ROBO1: variants seen among roughly 807,000 people sequenced by gnomAD.
The protein encoded by ROBO1 is roundabout homolog 1.
ROBO1 carries 149 observed loss-of-function variants against 195.9 expected under a neutral mutation model. The ratio of observed to expected loss-of-function variants is 0.76; its 90% CI spans 0.67 to 0.87. The LOEUF (loss-of-function observed/expected upper bound fraction) is 0.87. Ranked by LOEUF, ROBO1 falls within the 40% of genes least tolerant of loss-of-function variation. The pLI, the probability that ROBO1 is intolerant of heterozygous loss-of-function variation, is 0.00. For missense variants in ROBO1, 1,933 were observed against 2,068.3 expected (o/e 0.93, Z 1.27); for synonymous variants, 816 against 733.2 (o/e 1.11, Z -1.82).
At chr3:79,471,123 C>T (rs1938249137) in intron 2 of ROBO1, among the ~76,000 whole-genome samples, 1 of 152,004 alleles carries the variant, frequency 6.6e-6, no homozygotes, top group Non-Finnish European at 1.5e-5. Context: ...GGAAACTGCA[C>T]CCTTATCTTT....
At chr3:79,282,939 G>A (rs1386982502) in intron 2 of ROBO1, among the ~76,000 whole-genome samples, 2 of 152,088 alleles carry the variant, frequency 1.3e-5, no homozygotes, top group African/African-American at 4.8e-5. Context: ...ACACATTTCA[G>A]GTTGATTGGA....
intron 2 of ROBO1, among the ~76,000 whole-genome samples, chr3:79,344,725 A>G (rs1223895155): frequency 2.0e-5 from 3 of 152,040 alleles, no homozygotes; most frequent in African/African-American, 2.4e-5. Flanking sequence ...ATATATGGAG[A>G]GAGAGAGAGA....
At chr3:79,102,054 T>C (rs1012154091) in intron 3 of ROBO1, among the ~76,000 whole-genome samples, 3 of 151,816 alleles carry the variant, frequency 2.0e-5, no homozygotes, top group African/African-American at 7.2e-5. Context: ...GTAATAATGT[T>C]GATCAGTATT....
intron 2 of ROBO1, among the ~76,000 whole-genome samples, chr3:79,243,442 T>A (rs2082561242): frequency 6.6e-6 from 1 of 152,126 alleles, no homozygotes; most frequent in Admixed American, 6.6e-5. Context: ...TAGTTTACAG[T>A]CCCACCAACA....
chr3:79,324,762 A>G (rs1401749773), intron 2 of ROBO1, among the ~76,000 whole-genome samples: 7 of 152,344 alleles, frequency 4.6e-5, no homozygotes, highest in East Asian at 1.9e-4. Context: ...TTGTAGCCCA[A>G]GTGAAAACAT....
chr3:79,495,034 T>TAGAC lies in ROBO1; in HGVS notation c.88+94789_88+94790insGTCT, dbSNP rs575101296. The stretch of plus-strand genomic sequence containing the variant: ...ATTGACAGATAGGTAGATAGATAGA[T>TAGAC]AGATAGATAATTTGTTTATTGCCTC... On this transcript the variant is annotated intron_variant, in intron 2 of 30. Transcript: ENST00000464233. Among the ~76,000 whole-genome samples, 380 of 152,170 alleles carry TAGAC rather than the reference T, an allele frequency of 2.5e-3. 1 individual carries two copies. The highest frequency in any genetic ancestry group is 7.9e-3 in the African/African-American group (328 of 41,544).
intron 2 of ROBO1, among the ~76,000 whole-genome samples, chr3:79,397,017 T>C (rs866758259): frequency 2.0e-4 from 31 of 152,208 alleles, no homozygotes; most frequent in African/African-American, 6.3e-4. Flanking sequence ...AATCCTTCTA[T>C]ATTTAGTCTA....
chr3:79,037,269 A>G (rs1160266235), intron 3 of ROBO1, among the ~76,000 whole-genome samples: 2 of 152,288 alleles, frequency 1.3e-5, no homozygotes, highest in East Asian at 1.9e-4. Flanking sequence ...AATGACACTC[A>G]TCAAGGGCTT....
Position 79,758,768 on chromosome 3 carries a change from G to A in ROBO1, c.-51+8984C>T, listed in dbSNP as rs561924072. 5.3e-5 allele frequency among the ~76,000 whole-genome samples: 8 copies of A among 152,190 alleles called. No homozygotes were observed. In the South Asian group the frequency reaches 1.0e-3, roughly 20 times the overall value. ...ATACTTAGGAGACAGGTGGGGAAAG[G>A]GAAAGAACTTAGGAAAGTAGCCTGG... On this transcript the variant is annotated intron_variant, in intron 1 of 30. Transcript: ENST00000464233.
intron 2 of ROBO1, among the ~76,000 whole-genome samples, chr3:79,218,518 T>C (rs1349336127): frequency 6.6e-6 from 1 of 152,020 alleles, no homozygotes; most frequent in African/African-American, 2.4e-5. Flanking sequence ...CCTATTTTAT[T>C]GCAAAGAGGG....
intron 2 of ROBO1, among the ~76,000 whole-genome samples, chr3:79,275,928 A>C (rs1459993489): frequency 6.6e-6 from 1 of 151,930 alleles, no homozygotes; most frequent in African/African-American, 2.4e-5. Context: ...AGAGAAGTGA[A>C]AGTTTTCTAA....
chr3:78,777,770 C>A (rs2083547704), intron 4 of ROBO1, among the ~76,000 whole-genome samples: 1 of 152,094 alleles, frequency 6.6e-6, no homozygotes, highest in African/African-American at 2.4e-5. Context: ...TACAATCATG[C>A]CATCTGCAAA....
intron 1 of ROBO1, among the ~76,000 whole-genome samples, chr3:79,610,946 T>C (rs1944638716): frequency 6.6e-6 from 1 of 152,100 alleles, no homozygotes; most frequent in African/African-American, 2.4e-5. Context: ...GCAGAATTAG[T>C]TTCTTCATAT....
At chr3:78,930,777 C>G (rs1049824549) in intron 4 of ROBO1, among the ~76,000 whole-genome samples, 6 of 152,292 alleles carry the variant, frequency 3.9e-5, no homozygotes, top group African/African-American at 1.4e-4. Context: ...GCCTGGAATA[C>G]TAGAATAGCC....
chr3:79,005,802 A>G (rs1270400193), intron 3 of ROBO1, among the ~76,000 whole-genome samples: 1 of 152,174 alleles, frequency 6.6e-6, no homozygotes, highest in Non-Finnish European at 1.5e-5. Flanking sequence ...TCAATTGTTA[A>G]TGATTACTGA....
intron 2 of ROBO1, among the ~76,000 whole-genome samples, chr3:79,488,525 G>C (rs1204344957): frequency 1.3e-5 from 2 of 152,094 alleles, no homozygotes; most frequent in Non-Finnish European, 2.9e-5. Flanking sequence ...TTTCCAGTGT[G>C]TGATAAAACA....
chr3:79,364,450 A>G (rs2035890218), intron 2 of ROBO1, among the ~76,000 whole-genome samples: 1 of 151,904 alleles, frequency 6.6e-6, no homozygotes, highest in Non-Finnish European at 1.5e-5. Flanking sequence ...ATTTGTTTTA[A>G]CAGCTAATTA....
intron 2 of ROBO1, among the ~76,000 whole-genome samples, chr3:79,475,146 T>C (rs1005902325): frequency 6.6e-6 from 1 of 151,782 alleles, no homozygotes; most frequent in Non-Finnish European, 1.5e-5. Context: ...AATTGCTTTT[T>C]TTTTAAAAAA....
At chr3:78,771,379 C>T (rs2083371449) in intron 4 of ROBO1, among the ~76,000 whole-genome samples, 1 of 152,062 alleles carries the variant, frequency 6.6e-6, no homozygotes, top group Non-Finnish European at 1.5e-5. Context: ...GGAATTCAGG[C>T]TAATTTTTGG....
Sources: allele counts gnomAD v4.1 joint callset (sites outside exome capture counted in the v4.1 genomes callset), GRCh38; gene constraint gnomAD v4.1.1; transcripts MANE v1.5; gene names NCBI Gene and HGNC (gene_info 2026-07-23, HGNC 2026-07-21).